WDR64: variants seen among roughly 807,000 people sequenced by gnomAD.
The protein encoded by WDR64 is WD repeat domain 64, also known as WD repeat-containing protein 64.
Under a neutral mutation model 139.3 loss-of-function variants are expected in WDR64, and 112 were observed. That is an observed-to-expected ratio of 0.80 (90% CI 0.69 to 0.94). The LOEUF (loss-of-function observed/expected upper bound fraction) is 0.94, where lower values mean the gene tolerates loss of function less well. Among genes scored for constraint, WDR64 ranks in the 40% least tolerant of loss-of-function variants. The probability of loss-of-function intolerance (pLI) is 0.00; values close to 1 mark genes in which losing one functional copy is unlikely to be tolerated. For synonymous variants in WDR64, 444 were observed against 437.7 expected, an observed-to-expected ratio of 1.01 and a Z score of -0.18; for missense variants, 1,206 against 1,293.1, an observed-to-expected ratio of 0.93 and a Z score of 1.03.
chr1:241,766,193 G>A, intron 15 of WDR64, 25 bp from the exon 16 acceptor site: 1 of 1,610,786 alleles, frequency 6.2e-7, no homozygotes, highest in Non-Finnish European at 8.5e-7. Flanking sequence ...TATATTTATG[G>A]TGTTCTGTTT....
chr1:241,769,071 A>C (rs1421552089), intron 16 of WDR64, among the ~76,000 whole-genome samples: 1 of 152,184 alleles, frequency 6.6e-6, no homozygotes, highest in Admixed American at 6.5e-5. Flanking sequence ...GTTCAAGACC[A>C]GTCTGGGCAA....
At chr1:241,663,382 G>A (rs528956279) in intron 2 of WDR64, among the ~76,000 whole-genome samples, 1 of 152,108 alleles carries the variant, frequency 6.6e-6, no homozygotes, top group Non-Finnish European at 1.5e-5. Flanking sequence ...TGGGCACCCC[G>A]GCCCACATGT....
Position 241,741,540 on chromosome 1 carries a change from CT to C in WDR64, c.1349del (p.Leu450Ter). The C allele has an allele frequency of 6.2e-7, 1 of 1,611,018 alleles. No individual in the cohort carries two copies. The highest frequency in any genetic ancestry group is 8.5e-7 in the Non-Finnish European group (1 of 1,179,198). ...ITGSSVMDMY[P>X]LTRMIQDTKQ... ...GGATCTAGTGTTATGGACATGTATC[CT>C]TTGACTAGGATGATACAAGATACAA... On this transcript the variant is annotated frameshift_variant, in exon 12 of 28. Transcript: ENST00000437684. LOFTEE classifies it high-confidence loss of function.
intron 6 of WDR64, among the ~76,000 whole-genome samples, chr1:241,682,844 T>C (rs570027946): frequency 6.6e-6 from 1 of 152,348 alleles, no homozygotes; most frequent in African/African-American, 2.4e-5. Context: ...ACCAGAATAG[T>C]AGCTCTACAA....
intron 10 of WDR64, among the ~76,000 whole-genome samples, chr1:241,724,031 AG>A (rs1256179761): frequency 2.0e-5 from 3 of 152,106 alleles, no homozygotes; most frequent in African/African-American, 4.8e-5. Context: ...TGAGGAAAAA[AG>A]GTCAAAGAGA....
At chr1:241,743,495 C>T (rs903745361) in intron 12 of WDR64, among the ~76,000 whole-genome samples, 16 of 152,138 alleles carry the variant, frequency 1.1e-4, no homozygotes, top group Admixed American at 2.6e-4. Context: ...CCATCCCCTC[C>T]GCACTCCCCC....
chr1:241,694,398 A>C (rs1358681626), intron 8 of WDR64, among the ~76,000 whole-genome samples: 1 of 152,200 alleles, frequency 6.6e-6, no homozygotes, highest in East Asian at 1.9e-4. Context: ...GCACATTAAA[A>C]ACAGTTTCAT....
At chr1:241,705,882 C>T (rs1034701438) in intron 8 of WDR64, among the ~76,000 whole-genome samples, 1 of 152,128 alleles carries the variant, frequency 6.6e-6, no homozygotes, top group Admixed American at 6.5e-5. Context: ...AGCCACCATG[C>T]CTGGCCCTCA....
At chr1:241,799,899 T>G (rs1380692736) in intron 27 of WDR64, among the ~76,000 whole-genome samples, 1 of 152,160 alleles carries the variant, frequency 6.6e-6, no homozygotes, top group Non-Finnish European at 1.5e-5. Flanking sequence ...AAAAATCCAT[T>G]TTTTCCAAAA....
chr1:241,730,995 T>G (rs193225769), intron 10 of WDR64, among the ~76,000 whole-genome samples: 1 of 152,292 alleles, frequency 6.6e-6, no homozygotes, highest in Admixed American at 6.5e-5. Flanking sequence ...AAACTCAAAA[T>G]ATTCACAACC....
intron 9 of WDR64, among the ~76,000 whole-genome samples, chr1:241,716,332 C>G (rs1466724771): frequency 6.8e-6 from 1 of 147,134 alleles, no homozygotes; most frequent in Admixed American, 6.8e-5. Context: ...ACCAAGAAAA[C>G]CTAAAAATTT....
intron 8 of WDR64, among the ~76,000 whole-genome samples, chr1:241,705,558 TA>T (rs371782064): frequency 2.4e-4 from 14 of 57,374 alleles, no homozygotes; most frequent in African/African-American, 8.6e-4. Flanking sequence ...AATAAATAAA[TA>T]AATAATAATA....
Position 241,757,498 on chromosome 1 carries a change from T to C in WDR64, c.1947+39T>C, listed in dbSNP as rs2148277116. On this transcript the variant is annotated intron_variant, in intron 15 of 27. Coordinates refer to ENST00000437684, the MANE Select transcript of WDR64 (RefSeq NM_001367482.1). The stretch of plus-strand genomic sequence containing the variant: ...CTTGGTTTCTTTTTAACTTTTGCTT[T>C]TTGTTATGGAAATTTACAAACATAT... The C allele has an allele frequency of 3.2e-6, 5 of 1,557,716 alleles. No homozygotes were observed. The African/African-American group carries it at 6.9e-5, about 21-fold the overall frequency.
chr1:241,781,895 T>C (rs1208586102), intron 22 of WDR64, among the ~76,000 whole-genome samples: 1 of 152,222 alleles, frequency 6.6e-6, no homozygotes, highest in Non-Finnish European at 1.5e-5. Flanking sequence ...TGAAGCAAAA[T>C]GTATATCTTA....
At chr1:241,716,391 T>C (rs553814045) in intron 9 of WDR64, among the ~76,000 whole-genome samples, 63 of 152,210 alleles carry the variant, frequency 4.1e-4, no homozygotes, top group African/African-American at 1.5e-3. Flanking sequence ...CTGAACAGTG[T>C]TTGCACTAGC....
rs768150650 is a variant in WDR64 at position 241,711,859 on chromosome 1, G to A, written c.1032G>A (p.Lys344=). 2 of 1,614,164 alleles carry A rather than the reference G, an allele frequency of 1.2e-6. No individual in the cohort carries two copies. The highest frequency in any genetic ancestry group is 1.7e-6 in the Non-Finnish European group (2 of 1,180,032). ...RGANTFCYCV[K]ANVIVTGGDD... ...CCAACACTTTTTGCTACTGTGTTAAGGCAAATGTGATTGTCACTGGAGGTG... is the reference window on the plus strand; with the variant it reads ...CCAACACTTTTTGCTACTGTGTTAAAGCAAATGTGATTGTCACTGGAGGTG... Residue 344 remains lysine (K), a synonymous_variant, in exon 9 of 28, where the codon AAG becomes AAA. Coordinates refer to ENST00000437684, the MANE Select transcript of WDR64 (RefSeq NM_001367482.1).
chr1:241,748,603 G>A (rs1203804264), intron 13 of WDR64, among the ~76,000 whole-genome samples: 1 of 152,090 alleles, frequency 6.6e-6, no homozygotes, highest in South Asian at 2.1e-4. Flanking sequence ...ACACCATCAC[G>A]TTGAGGTTTA....
At position 241,726,203 on chromosome 1, in the gene WDR64, T is replaced by G. The variant is rs567107295; in HGVS notation, c.1194+2767T>G. Among the ~76,000 whole-genome samples the G allele has an allele frequency of 2.0e-5, 3 of 152,140 alleles. No homozygotes were observed. The East Asian group carries it at 5.8e-4, about 29-fold the overall frequency. On this transcript the variant is annotated intron_variant, in intron 10 of 27. Coordinates refer to ENST00000437684, the MANE Select transcript of WDR64 (RefSeq NM_001367482.1). ...GGCACTGGGCCAATCGTTTTTATAT[T>G]GATTATATATTGAGGTGATAATAAT...
intron 13 of WDR64, among the ~76,000 whole-genome samples, chr1:241,748,163 C>T (rs904555814): frequency 5.9e-5 from 9 of 152,210 alleles, no homozygotes; most frequent in South Asian, 4.1e-4. Context: ...GCAAACCCTC[C>T]TGCTGATACT....
Sources: allele counts gnomAD v4.1 joint callset (sites outside exome capture counted in the v4.1 genomes callset), GRCh38; gene constraint gnomAD v4.1.1; transcripts MANE v1.5; gene names NCBI Gene and HGNC (gene_info 2026-07-23, HGNC 2026-07-21).